Variants in CDH8 observed in about 807,000 individuals in gnomAD.
CDH8 encodes cadherin-8.
Under a neutral mutation model 68.1 loss-of-function variants are expected in CDH8, and 17 were observed. The observed-to-expected ratio is 0.25, with a 90% CI of 0.17 to 0.37. The LOEUF is 0.37. Among genes scored for constraint, CDH8 ranks in the 10% least tolerant of loss-of-function variants. CDH8 has a pLI of 1.00. For missense variants in CDH8, 763 were observed against 999.3 expected, an observed-to-expected ratio of 0.76 and a Z score of 3.19; for synonymous variants, 372 against 365.1, an observed-to-expected ratio of 1.02 and a Z score of -0.21.
At chr16:61,828,975 T>C (rs1378042324) in intron 4 of CDH8, among the ~76,000 whole-genome samples, 2 of 151,812 alleles carry the variant, frequency 1.3e-5, no homozygotes, top group Non-Finnish European at 2.9e-5. Flanking sequence ...TGATGGTGGC[T>C]AGAGTACAGA....
At chr16:61,937,845 T>A (rs921416395) in intron 2 of CDH8, 28 of 152,174 alleles carry the variant, frequency 1.8e-4, no homozygotes, top group African/African-American at 6.8e-4. Flanking sequence ...AACATCTCAT[T>A]GTGTTTCCTT....
intron 10 of CDH8, among the ~76,000 whole-genome samples, chr16:61,705,902 A>G (rs562602670): frequency 2.0e-5 from 3 of 152,376 alleles, no homozygotes; most frequent in Non-Finnish European, 2.9e-5. Context: ...GTTATAAGAC[A>G]GAGTCCTGAG....
At chr16:61,837,439 C>T (rs1239536908) in intron 4 of CDH8, among the ~76,000 whole-genome samples, 3 of 151,940 alleles carry the variant, frequency 2.0e-5, no homozygotes, top group Admixed American at 6.6e-5. Context: ...GGAAAAGAAG[C>T]GGGATGAGCA....
chr16:61,911,529 G>T (rs1217658745), intron 2 of CDH8, among the ~76,000 whole-genome samples: 2 of 152,018 alleles, frequency 1.3e-5, no homozygotes, highest in African/African-American at 4.8e-5. Context: ...ATAGGCGTTG[G>T]AAGTTAAACT....
In CDH8 at chr16:61,651,749, A is replaced by G. The variant is rs59287197; in HGVS notation, c.*1859T>C. 0.057 allele frequency: 8,753 copies of G among 152,268 alleles called. 867 individuals carry two copies. Among genetic ancestry groups the G allele is most frequent in the African/African-American group, 0.2 (8,236 of 41,486 alleles). The allele number at this position is 152,268 out of a possible 1,614,324, so 9.4% of individuals were successfully genotyped here. On this transcript the variant is annotated 3_prime_UTR_variant, in exon 12 of 12. Transcript: ENST00000577390. ...CTTGTCTGAAGGTTTTCCCTGCCCA[A>G]TGCGTCTGCTTCCAGAAGGACCCAA...
At chr16:62,021,714 CTTGAG>C (rs1223978964) in intron 1 of CDH8, 112 bp from the exon 2 acceptor site, 21 of 463,528 alleles carry the variant, frequency 4.5e-5, no homozygotes, top group Non-Finnish European at 6.0e-5. Flanking sequence ...TTCTCAAACT[CTTGAG>C]TTAAGAAAGT....
chr16:61,660,317 T>A (rs1162682448), intron 10 of CDH8, among the ~76,000 whole-genome samples: 1 of 150,900 alleles, frequency 6.6e-6, no homozygotes, highest in Non-Finnish European at 1.5e-5. Context: ...AGAGGGACAA[T>A]AAAAAATTAA....
intron 9 of CDH8, among the ~76,000 whole-genome samples, chr16:61,723,751 T>C (rs902442267): frequency 1.3e-5 from 2 of 150,612 alleles, no homozygotes; most frequent in African/African-American, 4.8e-5. Flanking sequence ...GTCAGACATA[T>C]ATTTGGCTTT....
chr16:61,706,978 A>T (rs1964547188), intron 10 of CDH8, among the ~76,000 whole-genome samples: 2 of 152,184 alleles, frequency 1.3e-5, no homozygotes, highest in South Asian at 4.1e-4. Flanking sequence ...AGGTTACTGT[A>T]ATGATGCTTA....
At chr16:61,727,791 T>C (rs1959418077) in intron 8 of CDH8, among the ~76,000 whole-genome samples, 1 of 151,148 alleles carries the variant, frequency 6.6e-6, no homozygotes, top group Non-Finnish European at 1.5e-5. Context: ...TGATCCCAAG[T>C]GATTTTAATA....
chr16:61,881,010 A>G (rs904316667), intron 3 of CDH8, among the ~76,000 whole-genome samples: 5 of 152,120 alleles, frequency 3.3e-5, no homozygotes, highest in Non-Finnish European at 7.4e-5. Flanking sequence ...ACCATCTACC[A>G]AGATCTGAAT....
At chr16:61,879,831 G>C (rs1215152600) in intron 3 of CDH8, among the ~76,000 whole-genome samples, 1 of 152,156 alleles carries the variant, frequency 6.6e-6, no homozygotes, top group Admixed American at 6.5e-5. Flanking sequence ...CCTTATGGGA[G>C]AGTAGAAATA....
At chr16:61,977,038 G>A (rs1046358609) in intron 2 of CDH8, among the ~76,000 whole-genome samples, 3 of 152,160 alleles carry the variant, frequency 2.0e-5, no homozygotes, top group Non-Finnish European at 4.4e-5. Flanking sequence ...AGTCAGAATT[G>A]TAATGAAGAG....
chr16:61,836,183 A>G (rs1341677658), intron 4 of CDH8, among the ~76,000 whole-genome samples: 1 of 151,984 alleles, frequency 6.6e-6, no homozygotes, highest in African/African-American at 2.4e-5. Flanking sequence ...GACATGATCA[A>G]TCAGGGCCTG....
intron 3 of CDH8, among the ~76,000 whole-genome samples, chr16:61,881,325 G>A (rs1451692686): frequency 2.0e-5 from 3 of 152,156 alleles, no homozygotes; most frequent in Non-Finnish European, 4.4e-5. Flanking sequence ...GCTGTTTGAG[G>A]TGTCGGCCTG....
At chr16:61,854,086 ATATGTT>A (rs1360403025) in intron 4 of CDH8, among the ~76,000 whole-genome samples, 2 of 151,352 alleles carry the variant, frequency 1.3e-5, no homozygotes, top group Non-Finnish European at 2.9e-5. Context: ...ATACATGTAT[ATATGTT>A]TATAAGTACG....
intron 2 of CDH8, among the ~76,000 whole-genome samples, chr16:61,958,913 C>A (rs930814048): frequency 1.3e-5 from 2 of 152,092 alleles, no homozygotes; most frequent in African/African-American, 4.8e-5. Flanking sequence ...ATCAGTATAA[C>A]CCCCAGGCCA....
At chr16:61,927,586 C>T (rs1964474719) in intron 2 of CDH8, among the ~76,000 whole-genome samples, 1 of 152,126 alleles carries the variant, frequency 6.6e-6, no homozygotes, top group South Asian at 2.1e-4. Context: ...ATAAAAGTCA[C>T]ATTATTCACT....
At chr16:61,896,486 C>A (rs1963870574) in intron 3 of CDH8, among the ~76,000 whole-genome samples, 1 of 152,072 alleles carries the variant, frequency 6.6e-6, no homozygotes, top group South Asian at 2.1e-4. Context: ...GGCATTTCTG[C>A]CACAGCGAAG....
Sources: gnomAD v4.1 joint callset for allele counts (sites outside exome capture counted in the v4.1 genomes callset) on GRCh38, gnomAD v4.1.1 for gene constraint, MANE v1.5 for transcripts, NCBI Gene and HGNC (gene_info 2026-07-23, HGNC 2026-07-21) for gene names.